The following SETBP1 variants were observed in gnomAD, a reference collection of about 807,000 sequenced individuals.
SETBP1 encodes the protein SET-binding protein.
In SETBP1, 9 loss-of-function variants were observed where a neutral mutation model predicts 101.0. That is an observed-to-expected ratio of 0.09 (90% CI 0.05 to 0.16). SETBP1 has a LOEUF of 0.16. Among genes scored for constraint, SETBP1 ranks in the 10% least tolerant of loss-of-function variants. The pLI is 1.00. For missense variants in SETBP1, 1,858 were observed against 2,033.8 expected (o/e 0.91, Z 1.66); for synonymous variants, 818 against 788.5 (o/e 1.04, Z -0.63).
chr18:44,797,937 G>A (rs1343685834), intron 2 of SETBP1, among the ~76,000 whole-genome samples: 2 of 152,172 alleles, frequency 1.3e-5, no homozygotes, highest in Admixed American at 6.5e-5. Context: ...CATAGAGCTT[G>A]GCAGGTGGAT....
chr18:44,721,528 A>G (rs529203958), intron 2 of SETBP1, among the ~76,000 whole-genome samples: 1 of 149,026 alleles, frequency 6.7e-6, no homozygotes, highest in Admixed American at 6.9e-5. Context: ...CTTTTCTGCT[A>G]CTGGGTTCTC....
At chr18:44,982,566 C>T (rs773343029) in intron 4 of SETBP1, among the ~76,000 whole-genome samples, 3 of 152,160 alleles carry the variant, frequency 2.0e-5, no homozygotes, top group Non-Finnish European at 4.4e-5. Flanking sequence ...TTTATCCATA[C>T]AAGTAAAATA....
intron 2 of SETBP1, among the ~76,000 whole-genome samples, chr18:44,824,417 A>G (rs556929841): frequency 6.6e-6 from 1 of 152,094 alleles, no homozygotes; most frequent in Non-Finnish European, 1.5e-5. Flanking sequence ...AATGTGGCAT[A>G]TGTGTATATC....
intron 1 of SETBP1, among the ~76,000 whole-genome samples, chr18:44,682,094 T>G (rs886302568): frequency 6.6e-6 from 1 of 152,228 alleles, no homozygotes; most frequent in Non-Finnish European, 1.5e-5. Flanking sequence ...TTCTTCTTTT[T>G]CTGTAGATTT....
At chr18:45,034,733 C>G (rs539155389) in intron 4 of SETBP1, among the ~76,000 whole-genome samples, 8 of 152,118 alleles carry the variant, frequency 5.3e-5, no homozygotes, top group Non-Finnish European at 8.8e-5. Context: ...CAGTTTGTCT[C>G]GTGTTGGGGT....
At chr18:44,973,315 C>T (rs2071911089) in intron 4 of SETBP1, among the ~76,000 whole-genome samples, 2 of 152,186 alleles carry the variant, frequency 1.3e-5, no homozygotes, top group Non-Finnish European at 2.9e-5. Flanking sequence ...CAATGTTCAT[C>T]AGGGATATTC....
chr18:44,930,104 C>T (rs925316476), intron 3 of SETBP1, among the ~76,000 whole-genome samples: 5 of 152,172 alleles, frequency 3.3e-5, no homozygotes, highest in East Asian at 1.9e-4. Context: ...TTTGGAGATA[C>T]GTCCCACCAA....
At chr18:44,935,946 C>G (rs1180879576) in intron 3 of SETBP1, among the ~76,000 whole-genome samples, 1 of 152,176 alleles carries the variant, frequency 6.6e-6, no homozygotes. Flanking sequence ...TACCAATTCT[C>G]AAAGAGGAGA....
intron 2 of SETBP1, among the ~76,000 whole-genome samples, chr18:44,726,027 A>AACTTTCATATG (rs2069700529): frequency 6.6e-6 from 1 of 152,140 alleles, no homozygotes; most frequent in Admixed American, 6.6e-5. Flanking sequence ...TAGAACCAAG[A>AACTTTCATATG]ACTTTCATAT....
chr18:44,793,044 C>T (rs974105363), intron 2 of SETBP1, among the ~76,000 whole-genome samples: 1 of 152,128 alleles, frequency 6.6e-6, no homozygotes, highest in African/African-American at 2.4e-5. Context: ...AAGAAAGTCT[C>T]CCTGACTATT....
intron 4 of SETBP1, among the ~76,000 whole-genome samples, chr18:44,990,625 C>A (rs201644546): frequency 6.6e-6 from 1 of 150,876 alleles, no homozygotes; most frequent in South Asian, 2.1e-4. Flanking sequence ...AAACAAAAAA[C>A]AAACAAACCA....
At chr18:44,998,614 T>C (rs1414529170) in intron 4 of SETBP1, among the ~76,000 whole-genome samples, 1 of 152,208 alleles carries the variant, frequency 6.6e-6, no homozygotes, top group Non-Finnish European at 1.5e-5. Flanking sequence ...TAGGCCGCAA[T>C]TGGAAGATGC....
chr18:44,928,549 G>A (rs1471166310), intron 3 of SETBP1, among the ~76,000 whole-genome samples: 1 of 152,224 alleles, frequency 6.6e-6, no homozygotes, highest in Admixed American at 6.5e-5. Context: ...CCCACCAACA[G>A]TGTAAAAGCA....
At chr18:44,749,440 C>A (rs1481239742) in intron 2 of SETBP1, among the ~76,000 whole-genome samples, 1 of 152,100 alleles carries the variant, frequency 6.6e-6, no homozygotes, top group Non-Finnish European at 1.5e-5. Flanking sequence ...CTGCTTTCTG[C>A]CTGTGCCATT....
chr18:44,703,328 A>C (rs1260702511), intron 2 of SETBP1, among the ~76,000 whole-genome samples: 1 of 99,396 alleles, frequency 1.0e-5, no homozygotes, highest in Non-Finnish European at 2.1e-5. Flanking sequence ...GATATTCCAT[A>C]GCATTTCTGT....
intron 2 of SETBP1, among the ~76,000 whole-genome samples, chr18:44,819,190 A>G (rs571617029): frequency 9.9e-5 from 15 of 152,262 alleles, no homozygotes; most frequent in Admixed American, 2.6e-4. Context: ...CAAAAGATAT[A>G]TAAGAATCAA....
At chr18:44,949,062 C>A (rs2071275386) in intron 3 of SETBP1, among the ~76,000 whole-genome samples, 1 of 152,130 alleles carries the variant, frequency 6.6e-6, no homozygotes, top group Non-Finnish European at 1.5e-5. Context: ...CTCAAGAAAG[C>A]AATAAGTACG....
chr18:45,054,578 G>A (rs902311768), intron 5 of SETBP1, among the ~76,000 whole-genome samples: 1 of 152,204 alleles, frequency 6.6e-6, no homozygotes, highest in Admixed American at 6.5e-5. Flanking sequence ...AACCCCTTGT[G>A]ATGAATATTC....
chr18:44,836,188 C>A (rs570607988), intron 2 of SETBP1, among the ~76,000 whole-genome samples: 3 of 151,612 alleles, frequency 2.0e-5, no homozygotes, highest in East Asian at 3.9e-4. Flanking sequence ...TGCCACCAAG[C>A]GAATCAGGAA....
Sources: allele counts gnomAD v4.1 joint callset (sites outside exome capture counted in the v4.1 genomes callset), GRCh38; gene constraint gnomAD v4.1.1; transcripts MANE v1.5; gene names NCBI Gene and HGNC (gene_info 2026-07-23, HGNC 2026-07-21).